OCIAD1: variants seen among roughly 807,000 people sequenced by gnomAD.
OCIAD1 encodes OCIA domain containing 1.
OCIAD1 carries 29 observed loss-of-function variants against 38.9 expected under a neutral mutation model. That is an observed-to-expected ratio of 0.74 (90% CI 0.55 to 1.02). The LOEUF (loss-of-function observed/expected upper bound fraction) is 1.02, where lower values mean the gene tolerates loss of function less well. Ranked by LOEUF, OCIAD1 falls within the 50% of genes least tolerant of loss-of-function variation. The pLI is 0.00. For synonymous variants in OCIAD1, 110 were observed against 92.0 expected, an observed-to-expected ratio of 1.20 and a Z score of -1.12; for missense variants, 288 against 289.6, an observed-to-expected ratio of 0.99 and a Z score of 0.04.
intron 3 of OCIAD1, among the ~76,000 whole-genome samples, chr4:48,841,277 G>A (rs1424629648): frequency 1.3e-5 from 2 of 152,172 alleles, no homozygotes; most frequent in South Asian, 2.1e-4. Flanking sequence ...CTCAGGTCTG[G>A]AACAGCACTG....
At chr4:48,857,833 T>C (rs1455666715) in intron 8 of OCIAD1, among the ~76,000 whole-genome samples, 1 of 152,088 alleles carries the variant, frequency 6.6e-6, no homozygotes, top group Admixed American at 6.6e-5. Flanking sequence ...TTTTAAGGTG[T>C]TCCAAAGGCC....
Position 48,842,667 on chromosome 4 carries a change from T to TA in OCIAD1, c.172dup (p.Thr58AsnfsTer6), listed in dbSNP as rs1162796918. 6.4e-7 allele frequency: 1 copy of TA among 1,569,066 alleles called. No individual in the cohort carries two copies. The highest frequency in any genetic ancestry group is 2.3e-5 in the East Asian group (1 of 43,466). On this transcript the variant is annotated frameshift_variant, in exon 4 of 9. Coordinates refer to ENST00000264312, the MANE Select transcript of OCIAD1 (RefSeq NM_017830.4). LOFTEE classifies it high-confidence loss of function. ...CTTTGGCTGCAACAAGTATGTTGAT[T>TA]ACTCAAGGATTAATTAGTAAAGGTA... is the stretch of plus-strand genomic sequence containing the variant.
intron 3 of OCIAD1, among the ~76,000 whole-genome samples, chr4:48,836,899 A>G (rs888573534): frequency 5.3e-5 from 8 of 152,248 alleles, no homozygotes; most frequent in Admixed American, 2.6e-4. Flanking sequence ...GTTGAGAATA[A>G]TTGTTATAGA....
intron 4 of OCIAD1, among the ~76,000 whole-genome samples, chr4:48,843,065 A>G (rs1471832875): frequency 4.6e-5 from 7 of 152,206 alleles, no homozygotes; most frequent in Non-Finnish European, 7.3e-5. Context: ...TTATATAATG[A>G]TTTAAAGATC....
At chr4:48,845,964 A>C (rs187777936) in intron 4 of OCIAD1, among the ~76,000 whole-genome samples, 5 of 152,354 alleles carry the variant, frequency 3.3e-5, no homozygotes, top group Middle Eastern at 6.8e-3. Flanking sequence ...AAAATAAGCT[A>C]TTTCTAGCAC....
At chr4:48,820,608 C>T (rs557305845) in intron 1 of OCIAD1, among the ~76,000 whole-genome samples, 2 of 152,108 alleles carry the variant, frequency 1.3e-5, no homozygotes, top group Admixed American at 6.6e-5. Context: ...TCAATGAATC[C>T]AGGAGCTGGT....
chr4:48,816,470 T>C (rs1777144234), intron 1 of OCIAD1, among the ~76,000 whole-genome samples: 2 of 150,790 alleles, frequency 1.3e-5, no homozygotes, highest in South Asian at 4.2e-4. Flanking sequence ...GAGGCGGAGG[T>C]TGCAGTGATC....
chr4:48,812,636 C>G (rs892132443), intron 1 of OCIAD1, among the ~76,000 whole-genome samples: 7 of 152,076 alleles, frequency 4.6e-5, no homozygotes, highest in African/African-American at 1.7e-4. Flanking sequence ...TTTAATAACA[C>G]AAAGGTCATG....
chr4:48,810,706 A>G (rs1200744076), intron 1 of OCIAD1, among the ~76,000 whole-genome samples: 1 of 152,010 alleles, frequency 6.6e-6, no homozygotes, highest in Non-Finnish European at 1.5e-5. Context: ...ATCCTGCCTC[A>G]TGGTGCTTAC....
At chr4:48,831,927 C>T (rs1282424005) in intron 1 of OCIAD1, among the ~76,000 whole-genome samples, 3 of 152,112 alleles carry the variant, frequency 2.0e-5, no homozygotes, top group African/African-American at 7.2e-5. Context: ...CGTAAACGTT[C>T]TGTAAAATAC....
chr4:48,837,002 C>T (rs918574715), intron 3 of OCIAD1, among the ~76,000 whole-genome samples: 2 of 152,144 alleles, frequency 1.3e-5, no homozygotes, highest in African/African-American at 2.4e-5. Context: ...GACGGAGTCT[C>T]GCTCTATCCC....
At chr4:48,854,270 A>C (rs1295480279) in intron 7 of OCIAD1, among the ~76,000 whole-genome samples, 1 of 152,150 alleles carries the variant, frequency 6.6e-6, no homozygotes, top group Non-Finnish European at 1.5e-5. Context: ...TAGTGTAGAC[A>C]GTGTGGATAT....
At chr4:48,826,661 A>G (rs1777255341), upstream of OCIAD1, among the ~76,000 whole-genome samples, 1 of 152,202 alleles carries the variant, frequency 6.6e-6, no homozygotes, top group Non-Finnish European at 1.5e-5. Flanking sequence ...ACATATTTCA[A>G]AATATCATGT....
intron 4 of OCIAD1, among the ~76,000 whole-genome samples, chr4:48,846,077 A>G (rs1292770690): frequency 6.6e-6 from 1 of 152,254 alleles, no homozygotes; most frequent in African/African-American, 2.4e-5. Context: ...TCTAGACTGT[A>G]AATTCCATGA....
At chr4:48,837,742 G>T (rs904156598) in intron 3 of OCIAD1, among the ~76,000 whole-genome samples, 2 of 151,550 alleles carry the variant, frequency 1.3e-5, no homozygotes, top group African/African-American at 4.9e-5. Context: ...TAAGAAAAAG[G>T]CAAGTGTGAT....
intron 1 of OCIAD1, 151 bp downstream of exon 1, chr4:48,831,400 T>TGA (rs1777475447): frequency 2.2e-6 from 2 of 912,668 alleles, no homozygotes; most frequent in Non-Finnish European, 3.1e-6. Context: ...TGAGTGCCGG[T>TGA]GACTGCGGGA....
chr4:48,839,072 TC>T (rs1221513498), intron 3 of OCIAD1, among the ~76,000 whole-genome samples: 6 of 152,188 alleles, frequency 3.9e-5, no homozygotes, highest in African/African-American at 1.4e-4. Context: ...CATATTTGTA[TC>T]AGCTGGAGTC....
rs1441624212 is a variant in OCIAD1 at position 48,819,744 on chromosome 4, AGG to A, written c.-102-10832_-102-10831del. ...AAAAAAAAAAAAAAAAAAAAAAAAA[AGG>A]AGGGGTTGCAATCCCAGTCTCTGAT... On this transcript the variant is annotated intron_variant, in intron 1 of 6. Transcript: ENST00000504654. 5.8e-4 allele frequency among the ~76,000 whole-genome samples: 55 copies of A among 95,486 alleles called. 1 individual carries two copies. Among genetic ancestry groups the A allele is most frequent in the African/African-American group, 1.2e-3 (27 of 23,470 alleles). The allele number at this position is 95,486 out of a possible 152,430, so 62.6% of individuals were successfully genotyped here.
At chr4:48,854,022 T>G (rs1779774538) in intron 7 of OCIAD1, among the ~76,000 whole-genome samples, 1 of 152,108 alleles carries the variant, frequency 6.6e-6, no homozygotes, top group Non-Finnish European at 1.5e-5. Context: ...ATGGGCAGAT[T>G]AGGAGAGAAT....
Sources: allele counts gnomAD v4.1 joint callset (sites outside exome capture counted in the v4.1 genomes callset), GRCh38; gene constraint gnomAD v4.1.1; transcripts MANE v1.5; gene names NCBI Gene and HGNC (gene_info 2026-07-23, HGNC 2026-07-21).